GRID1: variants seen among roughly 807,000 people sequenced by gnomAD.
GRID1 encodes glutamate receptor ionotropic, delta-1.
Under a neutral mutation model 98.0 loss-of-function variants are expected in GRID1, and 28 were observed. That is an observed-to-expected ratio of 0.29 (90% CI 0.21 to 0.39). The LOEUF (loss-of-function observed/expected upper bound fraction) is 0.39. Among genes scored for constraint, GRID1 ranks in the 10% least tolerant of loss-of-function variants. GRID1 has a pLI of 1.00. For synonymous variants in GRID1, 553 were observed against 538.5 expected (o/e 1.03, Z -0.37); for missense variants, 1,111 against 1,340.5 (o/e 0.83, Z 2.67).
chr10:85,886,215 A>G (rs896801534), intron 5 of GRID1, among the ~76,000 whole-genome samples: 4 of 152,178 alleles, frequency 2.6e-5, no homozygotes, highest in Non-Finnish European at 4.4e-5. Flanking sequence ...CCTAGAAGAG[A>G]CAGCACCTTT....
intron 4 of GRID1, among the ~76,000 whole-genome samples, chr10:86,077,947 C>A (rs955837579): frequency 1.1e-4 from 16 of 152,236 alleles, no homozygotes; most frequent in Admixed American, 8.5e-4. Flanking sequence ...GACTCCAAGG[C>A]TCACTGGGAA....
intron 2 of GRID1, among the ~76,000 whole-genome samples, chr10:86,278,639 T>C (rs1033341504): frequency 6.6e-6 from 1 of 152,136 alleles, no homozygotes; most frequent in African/African-American, 2.4e-5. Context: ...AATAAGGACA[T>C]ATTATGAATA....
intron 14 of GRID1, 40 bp from the exon 15 acceptor site, chr10:85,613,687 C>T: frequency 6.3e-7 from 1 of 1,587,996 alleles, no homozygotes; most frequent in Non-Finnish European, 8.6e-7. Context: ...CCACTGACGT[C>T]ATCAACTCAG....
chr10:85,641,005 T>C (rs1039007200), intron 13 of GRID1, among the ~76,000 whole-genome samples: 1 of 152,254 alleles, frequency 6.6e-6, no homozygotes, highest in Non-Finnish European at 1.5e-5. Context: ...TGAAACAAGC[T>C]ACTCATCTAT....
chr10:85,770,819 A>G (rs1408258373), intron 8 of GRID1, among the ~76,000 whole-genome samples: 1 of 152,206 alleles, frequency 6.6e-6, no homozygotes, highest in Non-Finnish European at 1.5e-5. Context: ...GAAATATGGG[A>G]CTATGTGAAA....
chr10:85,977,597 A>G (rs1842488631), intron 4 of GRID1, among the ~76,000 whole-genome samples: 1 of 152,218 alleles, frequency 6.6e-6, no homozygotes, highest in Non-Finnish European at 1.5e-5. Context: ...CTAGGCTTAG[A>G]TTAGAGCAAG....
intron 8 of GRID1, among the ~76,000 whole-genome samples, chr10:85,791,186 G>A (rs1213230577): frequency 2.0e-5 from 3 of 152,174 alleles, no homozygotes; most frequent in Non-Finnish European, 4.4e-5. Flanking sequence ...CAGACGACGT[G>A]ACTGAGTCCA....
At chr10:86,245,327 C>T (rs1234874930) in intron 2 of GRID1, among the ~76,000 whole-genome samples, 2 of 152,238 alleles carry the variant, frequency 1.3e-5, no homozygotes, top group South Asian at 4.1e-4. Flanking sequence ...CATGCTGGGG[C>T]TCATGTCCCA....
intron 12 of GRID1, among the ~76,000 whole-genome samples, chr10:85,655,781 T>C (rs1292171144): frequency 6.6e-6 from 1 of 152,190 alleles, no homozygotes; most frequent in Non-Finnish European, 1.5e-5. Flanking sequence ...TAGTGAATAG[T>C]TGCCTTCCAT....
At chr10:85,659,565 A>G (rs926027333) in intron 12 of GRID1, among the ~76,000 whole-genome samples, 7 of 152,248 alleles carry the variant, frequency 4.6e-5, no homozygotes, top group South Asian at 2.1e-4. Flanking sequence ...GAGGGAAAAT[A>G]CTAGCACACA....
At chr10:85,824,275 G>C (rs1266027568) in intron 8 of GRID1, among the ~76,000 whole-genome samples, 1 of 152,102 alleles carries the variant, frequency 6.6e-6, no homozygotes, top group Non-Finnish European at 1.5e-5. Flanking sequence ...GCAGTGGTGC[G>C]ATCTTGGCTC....
intron 8 of GRID1, among the ~76,000 whole-genome samples, chr10:85,750,152 T>C (rs990863182): frequency 2.0e-5 from 3 of 152,338 alleles, no homozygotes; most frequent in African/African-American, 7.2e-5. Context: ...TATGCATACC[T>C]ATTTTTACAG....
chr10:85,827,590 A>G (rs890889807), intron 8 of GRID1, among the ~76,000 whole-genome samples: 10 of 152,158 alleles, frequency 6.6e-5, no homozygotes, highest in African/African-American at 2.2e-4. Flanking sequence ...ATTTGAGGAT[A>G]CTGTCCATGA....
chr10:85,881,165 G>C (rs1215489656), intron 5 of GRID1, among the ~76,000 whole-genome samples: 1 of 152,162 alleles, frequency 6.6e-6, no homozygotes, highest in Non-Finnish European at 1.5e-5. Flanking sequence ...TCATGGCTAG[G>C]AAGAATCAAT....
chr10:85,783,752 C>T (rs1842401263), intron 8 of GRID1, among the ~76,000 whole-genome samples: 1 of 152,106 alleles, frequency 6.6e-6, no homozygotes, highest in African/African-American at 2.4e-5. Flanking sequence ...CAGGGACCTG[C>T]CCAAAACTCC....
intron 4 of GRID1, among the ~76,000 whole-genome samples, chr10:86,067,868 G>A (rs557131904): frequency 1.3e-5 from 2 of 152,290 alleles, no homozygotes; most frequent in East Asian, 3.9e-4. Flanking sequence ...CTGAGACCCC[G>A]CTGTGCCAAG....
chr10:85,947,988 G>A (rs574253391), intron 4 of GRID1, among the ~76,000 whole-genome samples: 7 of 152,180 alleles, frequency 4.6e-5, no homozygotes, highest in Non-Finnish European at 7.3e-5. Flanking sequence ...TGCTTTGCCA[G>A]GTTAAAGCCT....
At chr10:86,247,137 G>A (rs1846741862) in intron 2 of GRID1, among the ~76,000 whole-genome samples, 1 of 152,224 alleles carries the variant, frequency 6.6e-6, no homozygotes, top group Non-Finnish European at 1.5e-5. Flanking sequence ...CAAGGGGGTA[G>A]GTGGATGGAT....
intron 1 of GRID1, 29 bp from the exon 2 acceptor site, chr10:86,364,125 C>A: frequency 6.2e-7 from 1 of 1,604,804 alleles, no homozygotes; most frequent in Non-Finnish European, 8.5e-7. Context: ...CAAGACCGGA[C>A]CTGGACAAGA....
Sources: gnomAD v4.1 joint callset for allele counts (sites outside exome capture counted in the v4.1 genomes callset) on GRCh38, gnomAD v4.1.1 for gene constraint, MANE v1.5 for transcripts, NCBI Gene and HGNC (gene_info 2026-07-23, HGNC 2026-07-21) for gene names.